ANOS1: variants seen among roughly 807,000 people sequenced by gnomAD.
ANOS1 encodes the protein anosmin 1.
A neutral mutation model predicts 59.0 loss-of-function variants in ANOS1; 6 were observed. The observed-to-expected ratio is 0.10, with a 90% CI of 0.06 to 0.20. ANOS1 has a LOEUF of 0.20. Among genes scored for constraint, ANOS1 ranks in the 10% least tolerant of loss-of-function variants. ANOS1 has a pLI of 1.00. For synonymous variants in ANOS1, 217 were observed against 223.4 expected (o/e 0.97, Z 0.25); for missense variants, 433 against 542.3 (o/e 0.80, Z 2.00).
In ANOS1 at chrX:8,648,440, G is replaced by C. The variant is rs750474248; in HGVS notation, c.256-24770C>G. Among the ~76,000 whole-genome samples, 4 of 88,227 alleles carry C rather than the reference G, an allele frequency of 4.5e-5. No individual in the cohort carries two copies. The East Asian group carries it at 9.6e-4, about 21-fold the overall frequency. 76.6% of individuals were successfully genotyped at this position (88,227 alleles called of 115,157 possible). A position where few individuals can be genotyped will look rare whatever the true frequency, so the allele number is the denominator to read the frequency against. ...CGTGCCACTGTACTCCAGCCTGGGG[G>C]ACAAGGCAAAATTCCGTCAAAAAAA... is the stretch of plus-strand genomic sequence containing the variant. On this transcript the variant is annotated intron_variant, in intron 2 of 13. Transcript: ENST00000262648.
rs750521374 is a variant in ANOS1, at chrX:8,549,255, C to A, written c.1354+4697G>T. Among the ~76,000 whole-genome samples, 8 of 112,513 alleles carry A rather than the reference C, an allele frequency of 7.1e-5. No homozygotes were observed. In the South Asian group the frequency reaches 3.0e-3, roughly 42 times the overall value. ...TGATATTCTTCACATTTATTTCTAA[C>A]TTTGAGTTATTCAAAGTAATACGTG... On this transcript the variant is annotated intron_variant, in intron 9 of 13. Transcript: ENST00000262648.
intron 2 of ANOS1, among the ~76,000 whole-genome samples, chrX:8,667,935 A>T (rs1932178958): frequency 1.8e-5 from 2 of 111,452 alleles, no homozygotes; most frequent in Non-Finnish European, 1.9e-5. Flanking sequence ...GCATAATGAG[A>T]AAAGAGGAAT....
chrX:8,560,790 T>C (rs1930020094), intron 8 of ANOS1, among the ~76,000 whole-genome samples: 1 of 112,504 alleles, frequency 8.9e-6, no homozygotes, highest in African/African-American at 3.2e-5. Context: ...CACCCATTTA[T>C]ATGGTTTAAT....
At chrX:8,551,214 A>G (rs1199596759) in intron 9 of ANOS1, among the ~76,000 whole-genome samples, 2 of 112,219 alleles carry the variant, frequency 1.8e-5, no homozygotes, top group African/African-American at 3.2e-5. Context: ...AATACAAAAG[A>G]TGAAACAGTG....
intron 2 of ANOS1, among the ~76,000 whole-genome samples, chrX:8,677,960 A>T (rs1932361263): frequency 9.0e-6 from 1 of 111,183 alleles, no homozygotes; most frequent in Non-Finnish European, 1.9e-5. Context: ...CCAGAACTAA[A>T]TTAAAAAATT....
intron 2 of ANOS1, among the ~76,000 whole-genome samples, chrX:8,677,031 G>A (rs1346862062): frequency 1.8e-5 from 2 of 111,944 alleles, no homozygotes; most frequent in African/African-American, 6.5e-5. Context: ...AGAACCAAAT[G>A]TCAGCAGTGA....
chrX:8,673,799 T>C (rs1381883819), intron 2 of ANOS1, among the ~76,000 whole-genome samples: 1 of 111,692 alleles, frequency 9.0e-6, no homozygotes, highest in Non-Finnish European at 1.9e-5. Flanking sequence ...CCAGGTTGAG[T>C]TGTAGTTAAC....
chrX:8,631,612 C>T (rs921241709), intron 2 of ANOS1, among the ~76,000 whole-genome samples: 2 of 111,284 alleles, frequency 1.8e-5, no homozygotes, highest in Admixed American at 9.6e-5. Flanking sequence ...GTGACTGGAA[C>T]ACGTTAATAG....
rs2146919556 is a variant in ANOS1 at position 8,732,037 on chromosome X, G to A, written c.-1C>T. ...CCGCGCCGGGCACCCCGGGCACCATGGCTGCGGGTCGAGGGCGAGGGCGAG... is the reference window on the plus strand; with the variant it reads ...CCGCGCCGGGCACCCCGGGCACCATAGCTGCGGGTCGAGGGCGAGGGCGAG... On this transcript the variant is annotated 5_prime_UTR_variant, in exon 1 of 14. Coordinates refer to ENST00000262648, the MANE Select transcript of ANOS1 (RefSeq NM_000216.4). 11 of 976,044 alleles carry A rather than the reference G, an allele frequency of 1.1e-5. No homozygotes were observed. Among genetic ancestry groups the A allele is most frequent in the Non-Finnish European group, 5.1e-6 (4 of 778,812 alleles). The allele number at this position is 976,044 out of a possible 1,213,427, so 80.4% of individuals were successfully genotyped here.
In ANOS1 at chrX:8,530,520, C is replaced by T. The variant is rs1348597341; in HGVS notation, c.*2475G>A. 1.8e-5 allele frequency: 2 copies of T among 109,415 alleles called. No homozygotes were observed. The highest frequency in any genetic ancestry group is 9.8e-5 in the Admixed American group (1 of 10,205). 9.0% of individuals were successfully genotyped at this position (109,415 alleles called of 1,213,427 possible). A position where few individuals can be genotyped will look rare whatever the true frequency, so the allele number is the denominator to read the frequency against. On this transcript the variant is annotated 3_prime_UTR_variant, in exon 14 of 14. Transcript: ENST00000262648. ...AGAGAAACACATGTTTTTTATTAGC[C>T]CATTAATAGCATTTTTCTTCCAATA...
chrX:8,557,443 T>C (rs1404807146), intron 8 of ANOS1, among the ~76,000 whole-genome samples: 1 of 111,564 alleles, frequency 9.0e-6, no homozygotes, highest in Non-Finnish European at 1.9e-5. Flanking sequence ...GGGCTAATAA[T>C]ATCCAGAATC....
At chrX:8,669,891 C>T (rs910524372) in intron 2 of ANOS1, among the ~76,000 whole-genome samples, 2 of 111,626 alleles carry the variant, frequency 1.8e-5, no homozygotes, top group Admixed American at 1.9e-4. Context: ...GAACCGATTG[C>T]TTTAATTATC....
intron 6 of ANOS1, among the ~76,000 whole-genome samples, chrX:8,577,575 A>G (rs1381015585): frequency 8.9e-6 from 1 of 112,668 alleles, no homozygotes; most frequent in Non-Finnish European, 1.9e-5. Flanking sequence ...TATGCTAAAT[A>G]TTTAGCATGT....
In ANOS1 at chrX:8,619,451, A is replaced by G. The variant is rs375473274; in HGVS notation, c.318+4157T>C. 6.3e-5 allele frequency among the ~76,000 whole-genome samples: 7 copies of G among 110,720 alleles called. No homozygotes were observed. In the East Asian group the frequency reaches 2.0e-3, roughly 32 times the overall value. On this transcript the variant is annotated intron_variant, in intron 3 of 13. Transcript: ENST00000262648. ...AAACCCCGTCTCTACTAAAAATACA[A>G]AAATTAGCCGGGCGTGGTGATGCAT... is the stretch of plus-strand genomic sequence containing the variant.
At position 8,699,727 on chromosome X, in the gene ANOS1, A is replaced by G; in HGVS notation, c.226T>C (p.Trp76Arg). 1 of 1,199,469 alleles carries G rather than the reference A, an allele frequency of 8.3e-7. No individual in the cohort carries two copies. Among genetic ancestry groups the G allele is most frequent in the Non-Finnish European group, 1.1e-6 (1 of 886,762 alleles). ...GAACATTGCTTGTGATTCTGGCACC[A>G]AACCAGGGAACCATTGTTCTGCAAA... ...QHFQNNGSLV[W>R]CQNHKQCSKC... Residue 76 changes from tryptophan (W) to arginine (R), a missense_variant, in exon 2 of 14, where the codon TGG becomes CGG. Coordinates refer to ENST00000262648, the MANE Select transcript of ANOS1 (RefSeq NM_000216.4).
At chrX:8,684,687 C>T (rs1447030712) in intron 2 of ANOS1, among the ~76,000 whole-genome samples, 1 of 108,286 alleles carries the variant, frequency 9.2e-6, no homozygotes, top group African/African-American at 3.4e-5. Flanking sequence ...AGTTGCTGAA[C>T]ACACACTCCC....
chrX:8,684,876 T>C (rs1283312625), intron 2 of ANOS1, among the ~76,000 whole-genome samples: 4 of 110,558 alleles, frequency 3.6e-5, no homozygotes, highest in Non-Finnish European at 7.5e-5. Flanking sequence ...CCAGAGGAGC[T>C]GCGTCCCCAA....
At chrX:8,705,100 C>T (rs12013154) in intron 1 of ANOS1, among the ~76,000 whole-genome samples, 5,819 of 111,351 alleles carry the variant, frequency 0.052, 160 homozygotes, top group African/African-American at 0.1. Context: ...GGTATTTTTA[C>T]TTTAATTTCC....
At chrX:8,576,803 T>G (rs565658850) in intron 6 of ANOS1, among the ~76,000 whole-genome samples, 1 of 111,319 alleles carries the variant, frequency 9.0e-6, no homozygotes, top group African/African-American at 3.3e-5. Context: ...ACATATATAT[T>G]CCACCATCAA....
Sources: gnomAD v4.1 joint callset for allele counts (sites outside exome capture counted in the v4.1 genomes callset) on GRCh38, gnomAD v4.1.1 for gene constraint, MANE v1.5 for transcripts, NCBI Gene and HGNC (gene_info 2026-07-23, HGNC 2026-07-21) for gene names.